RFC2: variants seen among roughly 807,000 people sequenced by gnomAD.
The protein encoded by RFC2 is replication factor C subunit 2, also known as A1 40 kDa subunit.
A neutral mutation model predicts 44.8 loss-of-function variants in RFC2; 34 were observed. The observed-to-expected ratio is 0.76, with a 90% CI of 0.58 to 1.01. The LOEUF (loss-of-function observed/expected upper bound fraction) is 1.01. Ranked by LOEUF, RFC2 falls within the 50% of genes least tolerant of loss-of-function variation. RFC2 has a pLI of 0.00. For missense variants in RFC2, 400 were observed against 453.6 expected (o/e 0.88, Z 1.07); for synonymous variants, 177 against 168.9 (o/e 1.05, Z -0.37).
At chr7:74,239,060 G>T in intron 7 of RFC2, 72 bp from the exon 8 acceptor site, 1 of 1,240,458 alleles carries the variant, frequency 8.1e-7, no homozygotes, top group Non-Finnish European at 1.2e-6. Context: ...CAGGAGTCTC[G>T]CTATGTTGCC....
chr7:74,249,726 G>C lies in RFC2; in HGVS notation c.225+13C>G. 6.2e-7 allele frequency: 1 copy of C among 1,610,782 alleles called. No individual in the cohort carries two copies. Among genetic ancestry groups the C allele is most frequent in the Non-Finnish European group, 8.5e-7 (1 of 1,177,122 alleles). ...CATGGAGACACTCAACAGGCCCAGGGCTGGGTACTCACCGCAATGATGATG... is the reference window on the plus strand; with the variant it reads ...CATGGAGACACTCAACAGGCCCAGGCCTGGGTACTCACCGCAATGATGATG... On this transcript the variant is annotated intron_variant, in intron 3 of 10. Coordinates refer to ENST00000055077, the MANE Select transcript of RFC2 (RefSeq NM_181471.3).
At chr7:74,252,613 T>C in intron 1 of RFC2, 115 bp from the exon 2 acceptor site, 1 of 714,440 alleles carries the variant, frequency 1.4e-6, no homozygotes, top group Non-Finnish European at 2.6e-6. Flanking sequence ...TCAGTACAAC[T>C]ATGCCAAATG....
chr7:74,237,043 A>G (rs937832157), intron 9 of RFC2, among the ~76,000 whole-genome samples: 1 of 151,982 alleles, frequency 6.6e-6, no homozygotes, highest in Non-Finnish European at 1.5e-5. Flanking sequence ...TCTCATCAGT[A>G]AAGTGCACCC....
rs1803154643 is a variant in RFC2, at chr7:74,238,714, C to A, written c.759+209G>T. Among the ~76,000 whole-genome samples the A allele has an allele frequency of 6.6e-6, 1 of 152,202 alleles. No individual in the cohort carries two copies. Among genetic ancestry groups the A allele is most frequent in the African/African-American group, 2.4e-5 (1 of 41,446 alleles). ...GTGGTCCTCCCTCACCTACCACACA[C>A]AAGTGACGTTCCAGGTCCCCCGAAA... On this transcript the variant is annotated intron_variant, in intron 8 of 10. Coordinates refer to ENST00000055077, the MANE Select transcript of RFC2 (RefSeq NM_181471.3). This position sits in a 1 kb window ranked among gnomAD's most constrained non-coding sequence, Gnocchi z 4.0.
At chr7:74,243,677 T>C (rs1412347791) in intron 5 of RFC2, among the ~76,000 whole-genome samples, 1 of 150,722 alleles carries the variant, frequency 6.6e-6, no homozygotes, top group Non-Finnish European at 1.5e-5. Context: ...CATAGCTCAC[T>C]GCAGCCTCGA....
chr7:74,252,817 C>T (rs1380514966), intron 1 of RFC2, among the ~76,000 whole-genome samples: 1 of 152,096 alleles, frequency 6.6e-6, no homozygotes, highest in Non-Finnish European at 1.5e-5. Context: ...CGTCTGTAAT[C>T]CCAGCTACTT....
At chr7:74,237,492 A>C in intron 8 of RFC2, 50 bp from the exon 9 acceptor site, 1 of 1,300,018 alleles carries the variant, frequency 7.7e-7, no homozygotes, top group Non-Finnish European at 1.1e-6. Flanking sequence ...GGACAATGTG[A>C]GCGGGGAGGC....
rs1342210830 is a variant in RFC2 at position 74,254,329 on chromosome 7, C to T, written c.55G>A (p.Asp19Asn). 1.2e-6 allele frequency: 2 copies of T among 1,612,232 alleles called. No homozygotes were observed. Among genetic ancestry groups the T allele is most frequent in the African/African-American group, 2.7e-5 (2 of 74,870 alleles). The stretch of plus-strand genomic sequence containing the variant: ...GCCTTGCTGAAGGCAGGGGCAGGGT[C>T]AGAGTCCTGGGCCTCCACCTCGCCC... ...GAGEVEAQDSDPAPAFSKAPG... is the reference protein window; with the variant it reads ...GAGEVEAQDSNPAPAFSKAPG... Residue 19 changes from aspartate to asparagine, a missense_variant, in exon 1 of 11, where the codon GAC becomes AAC. Physicochemically the swap from Asp to Asn is conservative, Grantham distance 23. Transcript: ENST00000055077.
At chr7:74,249,696 T>G (rs1554720716) in intron 3 of RFC2, 43 bp downstream of exon 3, 2 of 1,538,442 alleles carry the variant, frequency 1.3e-6, no homozygotes, top group Non-Finnish European at 1.8e-6. Context: ...GACAGTGGGA[T>G]GAGACATGGA....
chr7:74,254,144 G>T (rs1356562424), intron 1 of RFC2, 127 bp downstream of exon 1: 1 of 717,234 alleles, frequency 1.4e-6, no homozygotes, highest in Non-Finnish European at 2.5e-6. Context: ...GATGCCACCC[G>T]GGGCCTCCTC....
chr7:74,253,952 T>C (rs1257864752), intron 1 of RFC2, among the ~76,000 whole-genome samples: 1 of 152,230 alleles, frequency 6.6e-6, no homozygotes, highest in Non-Finnish European at 1.5e-5. Flanking sequence ...ATTGAAGTTT[T>C]TGAAAACACT....
intron 8 of RFC2, among the ~76,000 whole-genome samples, chr7:74,237,793 T>G (rs1233596561): frequency 1.4e-4 from 22 of 152,166 alleles, no homozygotes; most frequent in African/African-American, 5.1e-4. Context: ...ACTTTAGAAC[T>G]GGGAGGTCTT....
chr7:74,233,605 T>G (rs182930253), intron 10 of RFC2, among the ~76,000 whole-genome samples: 4,285 of 149,562 alleles, frequency 0.029, 83 homozygotes, highest in Non-Finnish European at 0.043. Flanking sequence ...GTTTTTTTTT[T>G]TTTTTTTTTT....
Position 74,254,360 on chromosome 7 carries a change from A to C in RFC2, c.24T>G (p.Gly8=). The C allele has an allele frequency of 6.2e-7, 1 of 1,607,938 alleles. No individual in the cohort carries two copies. Among genetic ancestry groups the C allele is most frequent in the Non-Finnish European group, 8.5e-7 (1 of 1,177,308 alleles). Residue 8 remains glycine (G), a synonymous_variant, in exon 1 of 11, where the codon GGT becomes GGG. Transcript: ENST00000055077. ...CCTGGGCCTCCACCTCGCCCGCGCC[A>C]CCACAGACGGCCTCCACCTCCATTC... MEVEAVC[G]GAGEVEAQDS...
intron 4 of RFC2, among the ~76,000 whole-genome samples, chr7:74,247,145 C>T (rs1223335807): frequency 6.6e-6 from 1 of 150,542 alleles, no homozygotes; most frequent in Non-Finnish European, 1.5e-5. Context: ...AAGCCTCATC[C>T]TTCAGTTTTT....
chr7:74,245,577 G>C (rs1584258471), intron 5 of RFC2, among the ~76,000 whole-genome samples: 2 of 150,930 alleles, frequency 1.3e-5, no homozygotes, highest in East Asian at 4.0e-4. Context: ...GCTGGGCGTG[G>C]TGGAGGGCGC....
intron 4 of RFC2, among the ~76,000 whole-genome samples, chr7:74,248,676 A>T (rs541059369): frequency 6.6e-6 from 1 of 151,846 alleles, no homozygotes; most frequent in African/African-American, 2.4e-5. Context: ...TAAGTTTTGT[A>T]TTTTTAGTGG....
intron 4 of RFC2, 115 bp from the exon 5 acceptor site, chr7:74,246,878 G>A: frequency 3.8e-6 from 2 of 522,016 alleles, no homozygotes; most frequent in South Asian, 6.2e-5. Flanking sequence ...CCATTTTTGA[G>A]TTTTTTTGGG....
chr7:74,253,369 G>A (rs1438442635), intron 1 of RFC2, among the ~76,000 whole-genome samples: 1 of 151,956 alleles, frequency 6.6e-6, no homozygotes, highest in Non-Finnish European at 1.5e-5. Flanking sequence ...CACCATGCCA[G>A]GCAAGGATTA....
Sources: gnomAD v4.1 joint callset for allele counts (sites outside exome capture counted in the v4.1 genomes callset) on GRCh38, gnomAD v4.1.1 for gene constraint, Gnocchi (gnomAD v3.1) non-coding constraint, MANE v1.5 for transcripts, NCBI Gene and HGNC (gene_info 2026-07-23, HGNC 2026-07-21) for gene names.